The following STX8 variants were observed in gnomAD, a reference collection of about 807,000 sequenced individuals.
The protein encoded by STX8 is syntaxin-8.
Under a neutral mutation model 37.5 loss-of-function variants are expected in STX8, and 23 were observed. That is an observed-to-expected ratio of 0.61 (90% CI 0.44 to 0.87). The LOEUF (loss-of-function observed/expected upper bound fraction) is 0.87, where lower values mean the gene tolerates loss of function less well. Among genes scored for constraint, STX8 ranks in the 40% least tolerant of loss-of-function variants. The probability of loss-of-function intolerance (pLI) is 0.00; values close to 1 mark genes in which losing one functional copy is unlikely to be tolerated. For missense variants in STX8, 313 were observed against 284.7 expected (o/e 1.10, Z -0.71); for synonymous variants, 115 against 99.1 (o/e 1.16, Z -0.95).
At chr17:9,411,950 G>C (rs1912994268) in intron 6 of STX8, among the ~76,000 whole-genome samples, 1 of 152,116 alleles carries the variant, frequency 6.6e-6, no homozygotes, top group South Asian at 2.1e-4. Flanking sequence ...AATGTTGGAA[G>C]TCACTGTACT....
intron 7 of STX8, among the ~76,000 whole-genome samples, chr17:9,275,043 G>T (rs1046456126): frequency 2.2e-4 from 33 of 152,020 alleles, no homozygotes; most frequent in African/African-American, 7.7e-4. Context: ...GAGCCACCGC[G>T]CCTGGCCCAA....
chr17:9,350,555 G>A (rs951082913), intron 7 of STX8, among the ~76,000 whole-genome samples: 3 of 146,366 alleles, frequency 2.0e-5, no homozygotes, highest in Non-Finnish European at 4.5e-5. Flanking sequence ...TTCTTTTTTT[G>A]AGACGGAGTC....
chr17:9,437,427 G>T (rs1236627647), intron 6 of STX8, among the ~76,000 whole-genome samples: 1 of 152,202 alleles, frequency 6.6e-6, no homozygotes, highest in African/African-American at 2.4e-5. Context: ...TCAGGGAGGG[G>T]ATGTGCATGA....
rs932286327 is a variant in STX8, at chr17:9,263,734, T to C, written c.644-13089A>G. ...TGTACACGAATTTCTGTAGGATAGA[T>C]TCCTACATATGGAATCCTGGGGCAA... On this transcript the variant is annotated intron_variant, in intron 7 of 7. Transcript: ENST00000306357. Among the ~76,000 whole-genome samples the C allele has an allele frequency of 1.6e-4, 24 of 152,244 alleles. 1 individual carries two copies.
At chr17:9,308,093 A>G (rs991684775) in intron 7 of STX8, among the ~76,000 whole-genome samples, 1 of 152,206 alleles carries the variant, frequency 6.6e-6, no homozygotes, top group African/African-American at 2.4e-5. Context: ...CCCAAGGGGA[A>G]AATGTCCATT....
At chr17:9,350,518 G>GTT (rs376385278) in intron 7 of STX8, among the ~76,000 whole-genome samples, 2 of 145,346 alleles carry the variant, frequency 1.4e-5, no homozygotes, top group African/African-American at 5.0e-5. Context: ...ACACTAAAGT[G>GTT]TTTTTTTTTT....
intron 7 of STX8, among the ~76,000 whole-genome samples, chr17:9,304,704 C>T (rs2142182459): frequency 6.6e-6 from 1 of 152,014 alleles, no homozygotes; most frequent in East Asian, 1.9e-4. Context: ...ATCCCACAAG[C>T]TGAGTGCCAT....
chr17:9,403,429 G>C lies in STX8; in HGVS notation c.542-24776C>G, dbSNP rs1331577363. Among the ~76,000 whole-genome samples the C allele has an allele frequency of 8.5e-5, 13 of 152,140 alleles. 1 individual carries two copies. The East Asian group carries it at 1.9e-3, about 23-fold the overall frequency. On this transcript the variant is annotated intron_variant, in intron 6 of 7. Transcript: ENST00000306357. ...GATTCAACACTGAAAACACTGACAT[G>C]TGTGTGCGATGGCATAAGTAGGAAA...
chr17:9,560,090 G>A (rs1169802029), intron 2 of STX8, among the ~76,000 whole-genome samples: 1 of 150,600 alleles, frequency 6.6e-6, no homozygotes, highest in Admixed American at 6.6e-5. Context: ...AGTAGAGGCC[G>A]GGCTGAAAGA....
At chr17:9,345,209 G>A (rs960143364) in intron 7 of STX8, among the ~76,000 whole-genome samples, 26 of 151,756 alleles carry the variant, frequency 1.7e-4, no homozygotes, top group African/African-American at 6.1e-4. Context: ...GGAGTGCCAC[G>A]GTGCAATCTC....
At chr17:9,392,043 C>G (rs1912240941) in intron 6 of STX8, among the ~76,000 whole-genome samples, 1 of 152,232 alleles carries the variant, frequency 6.6e-6, no homozygotes, top group South Asian at 2.1e-4. Context: ...CAGACCCAAA[C>G]AGTACTGGAA....
chr17:9,457,164 A>G (rs919830073), intron 6 of STX8, among the ~76,000 whole-genome samples: 4 of 152,226 alleles, frequency 2.6e-5, no homozygotes, highest in African/African-American at 7.2e-5. Context: ...TACTGCTGCT[A>G]TAACCAATTC....
intron 6 of STX8, among the ~76,000 whole-genome samples, chr17:9,399,067 C>G (rs1912511742): frequency 6.9e-6 from 1 of 145,926 alleles, no homozygotes; most frequent in South Asian, 2.1e-4. Flanking sequence ...AAAAAAAAAG[C>G]TACAGTAATC....
At chr17:9,274,354 T>G (rs1907580005) in intron 7 of STX8, among the ~76,000 whole-genome samples, 1 of 152,004 alleles carries the variant, frequency 6.6e-6, no homozygotes, top group South Asian at 2.1e-4. Context: ...TCACGAGTGA[T>G]ATAGACATTT....
intron 6 of STX8, among the ~76,000 whole-genome samples, chr17:9,406,101 A>G (rs996020492): frequency 6.6e-6 from 1 of 151,980 alleles, no homozygotes; most frequent in African/African-American, 2.4e-5. Flanking sequence ...TCCTTTTCTT[A>G]TAATTATCCT....
At chr17:9,316,620 G>A (rs1909390105) in intron 7 of STX8, among the ~76,000 whole-genome samples, 2 of 152,146 alleles carry the variant, frequency 1.3e-5, no homozygotes, top group African/African-American at 2.4e-5. Flanking sequence ...CTTACCCTGT[G>A]CATCTCTTAT....
chr17:9,347,563 T>C (rs1450120535), intron 7 of STX8, among the ~76,000 whole-genome samples: 1 of 152,204 alleles, frequency 6.6e-6, no homozygotes. Flanking sequence ...TTCCCCAGAC[T>C]GGAGTGCAGT....
At chr17:9,377,315 T>A (rs928562712) in intron 7 of STX8, among the ~76,000 whole-genome samples, 6 of 151,656 alleles carry the variant, frequency 4.0e-5, no homozygotes, top group African/African-American at 9.7e-5. Context: ...TTTTTTTTTT[T>A]AAAGACACAA....
intron 4 of STX8, among the ~76,000 whole-genome samples, chr17:9,514,137 CAAT>C (rs1785215610): frequency 1.3e-5 from 2 of 152,068 alleles, no homozygotes. Flanking sequence ...CTACAGTTAA[CAAT>C]AAAGTCTCCA....
Sources: allele counts gnomAD v4.1 joint callset (sites outside exome capture counted in the v4.1 genomes callset), GRCh38; gene constraint gnomAD v4.1.1; transcripts MANE v1.5; gene names NCBI Gene and HGNC (gene_info 2026-07-23, HGNC 2026-07-21).